Variants in FAN1 observed in about 807,000 individuals in gnomAD.
The protein encoded by FAN1 is FANCD2 and FANCI associated nuclease 1.
In FAN1, 91 loss-of-function variants were observed where a neutral mutation model predicts 104.9. The observed-to-expected ratio is 0.87, with a 90% CI of 0.73 to 1.03. The LOEUF is 1.03. FAN1 is among the 50% of genes least tolerant of loss of function. The pLI is 0.00. For synonymous variants in FAN1, 478 were observed against 457.6 expected (o/e 1.04, Z -0.57); for missense variants, 1,263 against 1,239.9 (o/e 1.02, Z -0.28).
Position 30,926,350 on chromosome 15 carries a change from C to T in FAN1, c.2488+411C>T, listed in dbSNP as rs142013801. On this transcript the variant is annotated intron_variant, in intron 10 of 14. Transcript: ENST00000362065. ...GGGGCCCTGCGGCCCATGCTAGTCGCTTTCGGGAACAGCCACTGAGCCTTC... is the reference window on the plus strand; with the variant it reads ...GGGGCCCTGCGGCCCATGCTAGTCGTTTTCGGGAACAGCCACTGAGCCTTC... Among the ~76,000 whole-genome samples, 59 of 152,332 alleles carry T rather than the reference C, an allele frequency of 3.9e-4. No individual in the cohort carries two copies. The East Asian group carries it at 0.011, about 28-fold the overall frequency.
chr15:30,929,220 G>A lies in FAN1; in HGVS notation c.2610G>A (p.Leu870=), dbSNP rs1331145565. The A allele has an allele frequency of 1.2e-6, 2 of 1,612,446 alleles. No individual in the cohort carries two copies. The highest frequency in any genetic ancestry group is 1.7e-6 in the Non-Finnish European group (2 of 1,179,428). Reference sequence around the variant, plus strand: ...TGACACAGGCATTCCCCCTGGACTTGTGCACAGACAGCTTCTTCACAAGCA... The same window carrying A: ...TGACACAGGCATTCCCCCTGGACTTATGCACAGACAGCTTCTTCACAAGCA... ...RNACQAFPLD[L]CTDSFFTSRR... Residue 870 remains leucine (L), a synonymous_variant, in exon 12 of 15, where the codon TTG becomes TTA. Coordinates refer to ENST00000362065, the MANE Select transcript of FAN1 (RefSeq NM_014967.5).
chr15:30,916,127 A>G (rs1342758012), intron 5 of FAN1, among the ~76,000 whole-genome samples: 2 of 152,204 alleles, frequency 1.3e-5, no homozygotes, highest in African/African-American at 4.8e-5. Flanking sequence ...AAAATCTCTA[A>G]TAAGACTGTT....
intron 4 of FAN1, 184 bp downstream of exon 4, chr15:30,910,999 G>T: frequency 2.3e-6 from 3 of 1,308,220 alleles, no homozygotes; most frequent in Non-Finnish European, 2.9e-6. Context: ...CAAAATTTTT[G>T]TCGTAATACC....
intron 14 of FAN1, chr15:30,940,966 AAATTCTGGC>A: frequency 9.1e-7 from 1 of 1,097,374 alleles, no homozygotes. Context: ...CTAAAATCAT[AAATTCTGGC>A]CCCAGAACAC....
chr15:30,918,400 G>A, intron 6 of FAN1, 105 bp downstream of exon 6: 1 of 1,172,032 alleles, frequency 8.5e-7, no homozygotes. Context: ...TTTCTCTGTG[G>A]TTAAACCAGC....
Position 30,904,663 on chromosome 15 carries a change from CATG to C in FAN1, c.4_6del (p.Met2?), listed in dbSNP as rs759761370. 1.9e-6 allele frequency: 3 copies of C among 1,607,842 alleles called. No homozygotes were observed. Among genetic ancestry groups the C allele is most frequent in the African/African-American group, 2.7e-5 (2 of 74,384 alleles). On this transcript the variant is annotated start_lost and inframe_deletion, in exon 2 of 15. Coordinates refer to ENST00000362065, the MANE Select transcript of FAN1 (RefSeq NM_014967.5). ...CAGAACATCCAGTTTTTCTAATACT[CATG>C]ATGTCAGAAGGGAAACCTCCTGACA...
chr15:30,911,693 C>G (rs2062104048), intron 4 of FAN1: 1 of 887,854 alleles, frequency 1.1e-6, no homozygotes, highest in East Asian at 1.2e-4. Context: ...TAAGTCCTTT[C>G]TTTATCTAAT....
intron 2 of FAN1, among the ~76,000 whole-genome samples, chr15:30,906,726 A>G (rs7171208): frequency 0.65 from 99,577 of 152,132 alleles, 33,178 homozygotes; most frequent in East Asian, 0.98. Flanking sequence ...TCGCACAGTG[A>G]AATTATGGTA....
chr15:30,918,020 A>G, intron 5 of FAN1, 144 bp from the exon 6 acceptor site: 1 of 760,244 alleles, frequency 1.3e-6, no homozygotes. Flanking sequence ...GTTAAGATAA[A>G]TTATTATTAG....
intron 10 of FAN1, chr15:30,927,003 C>T (rs1304801115): frequency 5.1e-6 from 5 of 985,334 alleles, no homozygotes; most frequent in Admixed American, 6.1e-5. Flanking sequence ...AAATGCACAG[C>T]ATGGACCACT....
intron 6 of FAN1, 61 bp from the exon 7 acceptor site, chr15:30,920,484 A>G (rs1178223007): frequency 7.6e-6 from 8 of 1,046,944 alleles, no homozygotes; most frequent in African/African-American, 3.2e-5. Flanking sequence ...GTCACTTGTT[A>G]TTATTGTCTT....
intron 8 of FAN1, among the ~76,000 whole-genome samples, chr15:30,924,550 GCTTT>G (rs2062411661): frequency 1.3e-5 from 2 of 152,110 alleles, no homozygotes; most frequent in South Asian, 4.1e-4. Flanking sequence ...TCTCCTTGTG[GCTTT>G]CTGTGTTTGT....
intron 13 of FAN1, among the ~76,000 whole-genome samples, chr15:30,933,401 C>A (rs970874306): frequency 6.6e-6 from 1 of 152,204 alleles, no homozygotes; most frequent in Non-Finnish European, 1.5e-5. Flanking sequence ...AGAAGTGAGT[C>A]ATTTACATTT....
At chr15:30,928,235 C>G in intron 10 of FAN1, 5 of 1,083,134 alleles carry the variant, frequency 4.6e-6, no homozygotes, top group Non-Finnish European at 5.6e-6. Context: ...GGGTATCTGC[C>G]TATTTTTCTT....
chr15:30,932,798 C>T lies in FAN1; in HGVS notation c.2916+2127C>T, dbSNP rs144656607. On this transcript the variant is annotated intron_variant, in intron 13 of 14. Coordinates refer to ENST00000362065, the MANE Select transcript of FAN1 (RefSeq NM_014967.5). ...GCGTGAGTTAGCTCACTGCAACTTC[C>T]GCCTCCTGGGTTCAAGTGATTCTCG... 4.5e-3 allele frequency among the ~76,000 whole-genome samples: 672 copies of T among 149,078 alleles called. 5 individuals are homozygous for T. Among genetic ancestry groups the T allele is most frequent in the African/African-American group, 0.015 (621 of 40,632 alleles).
chr15:30,926,859 C>T (rs1566926431), intron 10 of FAN1: 15 of 985,412 alleles, frequency 1.5e-5, no homozygotes, highest in East Asian at 1.1e-4. Flanking sequence ...TGATTAAAAT[C>T]GATGCCGTGA....
At position 30,925,221 on chromosome 15, in the gene FAN1, C is replaced by A; in HGVS notation, c.2267C>A (p.Ser756Tyr). 1 of 1,614,072 alleles carries A rather than the reference C, an allele frequency of 6.2e-7. No homozygotes were observed. The highest frequency in any genetic ancestry group is 8.5e-7 in the Non-Finnish European group (1 of 1,180,014). ...CAGCGAGCCGTGCGCCTGCGAGAGT[C>A]TCCGAGCTGTAAAAAGTTCAAGCAC... The part of the protein sequence containing the change: ...LYQRAVRLRE[S>Y]PSCKKFKHLF... Residue 756 changes from serine to tyrosine, a missense_variant, in exon 9 of 15, where the codon TCT becomes TAT. Physicochemically the swap from Ser to Tyr is moderately radical, Grantham distance 144. Transcript: ENST00000362065.
intron 13 of FAN1, among the ~76,000 whole-genome samples, chr15:30,932,822 C>T (rs977283883): frequency 1.3e-5 from 2 of 150,088 alleles, no homozygotes; most frequent in African/African-American, 4.9e-5. Context: ...AAGTGATTCT[C>T]GTGCCTCAGC....
intron 3 of FAN1, among the ~76,000 whole-genome samples, chr15:30,909,241 G>A (rs2062046571): frequency 6.6e-6 from 1 of 152,184 alleles, no homozygotes; most frequent in Non-Finnish European, 1.5e-5. Flanking sequence ...TTTCTTTGGG[G>A]CAGAGTTTAT....
Sources: allele counts gnomAD v4.1 joint callset (sites outside exome capture counted in the v4.1 genomes callset), GRCh38; gene constraint gnomAD v4.1.1; transcripts MANE v1.5; gene names NCBI Gene and HGNC (gene_info 2026-07-23, HGNC 2026-07-21).